Variants in PELI2 observed in about 807,000 individuals in gnomAD.
PELI2 encodes E3 ubiquitin-protein ligase pellino homolog 2.
In PELI2, 23 loss-of-function variants were observed where a neutral mutation model predicts 42.3. The observed-to-expected ratio is 0.54, with a 90% CI of 0.39 to 0.77. PELI2 has a LOEUF of 0.77. Among genes scored for constraint, PELI2 ranks in the 30% least tolerant of loss-of-function variants. The probability of loss-of-function intolerance (pLI) is 0.00; values close to 1 mark genes in which losing one functional copy is unlikely to be tolerated. For synonymous variants in PELI2, 245 were observed against 212.2 expected (o/e 1.15, Z -1.34); for missense variants, 463 against 553.2 (o/e 0.84, Z 1.64).
intron 1 of PELI2, among the ~76,000 whole-genome samples, chr14:56,134,531 G>A (rs1883614592): frequency 6.6e-6 from 1 of 152,028 alleles, no homozygotes; most frequent in South Asian, 2.1e-4. Flanking sequence ...AGAACTTTGT[G>A]CTTATAATCT....
intron 2 of PELI2, among the ~76,000 whole-genome samples, chr14:56,212,955 C>T (rs933668815): frequency 1.3e-5 from 2 of 152,182 alleles, no homozygotes; most frequent in East Asian, 1.9e-4. Flanking sequence ...AGTGGGGTCA[C>T]GAGGAGGGTC....
chr14:56,149,473 A>G (rs1418833447), intron 1 of PELI2, among the ~76,000 whole-genome samples: 1 of 152,260 alleles, frequency 6.6e-6, no homozygotes, highest in Non-Finnish European at 1.5e-5. Flanking sequence ...GCCTGCCTCA[A>G]GGAGCATGGG....
At chr14:56,247,796 A>T (rs1437346809) in intron 2 of PELI2, among the ~76,000 whole-genome samples, 1 of 152,242 alleles carries the variant, frequency 6.6e-6, no homozygotes, top group South Asian at 2.1e-4. Context: ...ATGTATAGAA[A>T]TGTCGAGACA....
intron 2 of PELI2, among the ~76,000 whole-genome samples, chr14:56,196,416 A>G (rs1396839180): frequency 6.6e-6 from 1 of 152,230 alleles, no homozygotes; most frequent in Non-Finnish European, 1.5e-5. Context: ...TGAGACAGTA[A>G]TTACATCACT....
At chr14:56,171,318 C>T (rs985202699) in intron 1 of PELI2, among the ~76,000 whole-genome samples, 1 of 152,142 alleles carries the variant, frequency 6.6e-6, no homozygotes, top group Non-Finnish European at 1.5e-5. Context: ...TTCTTGCTCT[C>T]TCTGGTACAC....
chr14:56,142,564 G>A (rs767299975), intron 1 of PELI2, among the ~76,000 whole-genome samples: 2 of 152,202 alleles, frequency 1.3e-5, no homozygotes, highest in East Asian at 1.9e-4. Context: ...CTTTGCATAC[G>A]CATTTACACA....
chr14:56,233,732 A>C (rs939308382), intron 2 of PELI2, among the ~76,000 whole-genome samples: 5 of 152,222 alleles, frequency 3.3e-5, no homozygotes, highest in Admixed American at 2.6e-4. Flanking sequence ...AAGCAATGGC[A>C]ACAAAAGGCA....
At chr14:56,235,059 G>C (rs1245817644) in intron 2 of PELI2, among the ~76,000 whole-genome samples, 1 of 152,126 alleles carries the variant, frequency 6.6e-6, no homozygotes, top group African/African-American at 2.4e-5. Context: ...CTAAAACAAG[G>C]CTTAGGAAGT....
At position 56,234,695 on chromosome 14, in the gene PELI2, A is replaced by C. The variant is rs547252713; in HGVS notation, c.208-44981A>C. Among the ~76,000 whole-genome samples, 3 of 152,324 alleles carry C rather than the reference A, an allele frequency of 2.0e-5. 1 individual carries two copies. Among genetic ancestry groups the C allele is most frequent in the Admixed American group, 6.5e-5 (1 of 15,304 alleles). On this transcript the variant is annotated intron_variant, in intron 2 of 5. Transcript: ENST00000267460. ...CAGCACACCAACATGGCACATGTAT[A>C]CATATGTAACAAAGCTGCACATTGT...
chr14:56,244,641 A>G (rs1339610558), intron 2 of PELI2, among the ~76,000 whole-genome samples: 3 of 152,200 alleles, frequency 2.0e-5, no homozygotes, highest in Admixed American at 1.3e-4. Context: ...CAAGAGCAGG[A>G]TGAAAACTCC....
At chr14:56,165,082 G>GGTTTT (rs71101743) in intron 1 of PELI2, among the ~76,000 whole-genome samples, 60,157 of 150,556 alleles carry the variant, frequency 0.4, 12,711 homozygotes, top group South Asian at 0.53. Flanking sequence ...GGTTTGGTTT[G>GGTTTT]CTCTTGCTTT....
At position 56,155,240 on chromosome 14, in the gene PELI2, G is replaced by GT. The variant is rs35149171; in HGVS notation, c.78-23084dup. Among the ~76,000 whole-genome samples the GT allele has an allele frequency of 2.6e-3, 377 of 146,900 alleles. 2 individuals carry two copies. The highest frequency in any genetic ancestry group is 0.01 in the South Asian group (49 of 4,676). On this transcript the variant is annotated intron_variant, in intron 1 of 5. Transcript: ENST00000267460. Reference sequence around the variant, plus strand: ...GTATTCAAGCATATCAATCTGTTGGGTTTTTTTTTTTGGTTAATTTTTCAT... The same window carrying GT: ...GTATTCAAGCATATCAATCTGTTGGGTTTTTTTTTTTTGGTTAATTTTTCAT...
intron 2 of PELI2, among the ~76,000 whole-genome samples, chr14:56,262,677 A>G (rs985991405): frequency 2.0e-5 from 3 of 152,084 alleles, no homozygotes; most frequent in Admixed American, 1.3e-4. Flanking sequence ...TCACATGCCA[A>G]AGGACTCATG....
At chr14:56,195,543 T>C (rs1469911177) in intron 2 of PELI2, among the ~76,000 whole-genome samples, 3 of 152,190 alleles carry the variant, frequency 2.0e-5, no homozygotes, top group African/African-American at 7.2e-5. Flanking sequence ...AATTGCTGTG[T>C]GGAAGGCCTT....
At chr14:56,282,261 G>T (rs1434296279) in intron 3 of PELI2, among the ~76,000 whole-genome samples, 1 of 152,024 alleles carries the variant, frequency 6.6e-6, no homozygotes, top group Non-Finnish European at 1.5e-5. Flanking sequence ...TATAGCCACA[G>T]AAAGAGCTCC....
At chr14:56,148,721 T>C (rs1254513716) in intron 1 of PELI2, among the ~76,000 whole-genome samples, 3 of 152,198 alleles carry the variant, frequency 2.0e-5, no homozygotes, top group African/African-American at 7.2e-5. Flanking sequence ...TTGTCCTTTG[T>C]CCCTAGGGAC....
chr14:56,149,342 G>A (rs971764541), intron 1 of PELI2, among the ~76,000 whole-genome samples: 2 of 152,110 alleles, frequency 1.3e-5, no homozygotes, highest in Non-Finnish European at 2.9e-5. Context: ...CTTATGCATC[G>A]TTCTGCTTTA....
intron 1 of PELI2, among the ~76,000 whole-genome samples, chr14:56,168,892 T>G (rs992908423): frequency 2.0e-5 from 3 of 151,944 alleles, no homozygotes; most frequent in African/African-American, 7.3e-5. Flanking sequence ...TAACAGGTGA[T>G]GAATTCTGGC....
chr14:56,179,377 G>A (rs1470077982), intron 2 of PELI2, among the ~76,000 whole-genome samples: 2 of 152,098 alleles, frequency 1.3e-5, no homozygotes, highest in African/African-American at 4.8e-5. Context: ...AAGCATGTGT[G>A]ATATTTATAT....
Sources: allele counts gnomAD v4.1 joint callset (sites outside exome capture counted in the v4.1 genomes callset), GRCh38; gene constraint gnomAD v4.1.1; transcripts MANE v1.5; gene names NCBI Gene and HGNC (gene_info 2026-07-23, HGNC 2026-07-21).